Variants in POU6F2 observed in about 807,000 individuals in gnomAD.
The protein encoded by POU6F2 is POU class 6 homeobox 2, also known as POU domain, class 6, transcription factor 2.
POU6F2 carries 31 observed loss-of-function variants against 71.3 expected under a neutral mutation model. The ratio of observed to expected loss-of-function variants is 0.43; its 90% CI spans 0.33 to 0.59. The LOEUF is 0.59. Ranked by LOEUF, POU6F2 falls within the 20% of genes least tolerant of loss-of-function variation. The pLI is 0.04. For missense variants in POU6F2, 783 were observed against 856.8 expected (o/e 0.91, Z 1.07); for synonymous variants, 347 against 355.7 (o/e 0.98, Z 0.27).
At chr7:39,342,817 T>C (rs1187227330) in intron 5 of POU6F2, among the ~76,000 whole-genome samples, 1 of 152,234 alleles carries the variant, frequency 6.6e-6, no homozygotes, top group Admixed American at 6.5e-5. Flanking sequence ...AATATTGCAG[T>C]GTAATTTTAT....
chr7:39,211,523 ACT>A, intron 4 of POU6F2, among the ~76,000 whole-genome samples: 1 of 152,200 alleles, frequency 6.6e-6, no homozygotes, highest in East Asian at 1.9e-4. Flanking sequence ...AGACCTTATA[ACT>A]CAGCAGAAAA....
At chr7:39,250,553 T>C (rs1157039410) in intron 4 of POU6F2, among the ~76,000 whole-genome samples, 1 of 152,196 alleles carries the variant, frequency 6.6e-6, no homozygotes, top group Non-Finnish European at 1.5e-5. Flanking sequence ...GTTCTTTATC[T>C]CATCTCTTTA....
chr7:39,091,571 A>G (rs1791363614), intron 2 of POU6F2, among the ~76,000 whole-genome samples: 1 of 152,174 alleles, frequency 6.6e-6, no homozygotes, highest in South Asian at 2.1e-4. Context: ...AAATGATCCC[A>G]TTTTAGTCTC....
chr7:39,097,296 G>T (rs745854537), intron 2 of POU6F2, among the ~76,000 whole-genome samples: 1 of 152,074 alleles, frequency 6.6e-6, no homozygotes, highest in African/African-American at 2.4e-5. Flanking sequence ...TTTGGTAGGG[G>T]CATGTTTATA....
chr7:39,251,626 GAAAT>G (rs1277754079), intron 4 of POU6F2, among the ~76,000 whole-genome samples: 4 of 152,138 alleles, frequency 2.6e-5, no homozygotes, highest in Admixed American at 6.5e-5. Flanking sequence ...TAAGTAGAAA[GAAAT>G]AAAAATAAGA....
chr7:39,105,924 G>A (rs923137561), intron 2 of POU6F2, among the ~76,000 whole-genome samples: 1 of 152,144 alleles, frequency 6.6e-6, no homozygotes, highest in African/African-American at 2.4e-5. Flanking sequence ...ACACAGTACA[G>A]CCAGGGATGT....
chr7:39,459,693 G>C (rs1233712501), intron 8 of POU6F2, among the ~76,000 whole-genome samples: 1 of 152,214 alleles, frequency 6.6e-6, no homozygotes, highest in Non-Finnish European at 1.5e-5. Context: ...CTTTGCTACA[G>C]GCAGGATTGA....
At chr7:39,287,492 A>G (rs1382026164) in intron 4 of POU6F2, among the ~76,000 whole-genome samples, 2 of 152,212 alleles carry the variant, frequency 1.3e-5, no homozygotes, top group African/African-American at 4.8e-5. Context: ...GGAAAGTCAT[A>G]GTCTACCAAC....
At chr7:39,006,828 A>G (rs540730089) in intron 1 of POU6F2, 1 of 1,613,308 alleles carries the variant, frequency 6.2e-7, no homozygotes, top group East Asian at 2.2e-5. Flanking sequence ...TGTTCTTATA[A>G]TGATCCAAGA....
At chr7:39,015,599 TCTATGTTTTATATAGATCTACATTATAGA>T (rs1789467503) in intron 1 of POU6F2, among the ~76,000 whole-genome samples, 1 of 97,348 alleles carries the variant, frequency 1.0e-5, no homozygotes, top group Non-Finnish European at 1.9e-5. Flanking sequence ...TATAGATATA[TCTATGTTTTATATAGATCTACATTATAGA>T]TATATCTATG....
chr7:38,988,328 T>C (rs994208802), intron 1 of POU6F2, among the ~76,000 whole-genome samples: 4 of 151,962 alleles, frequency 2.6e-5, no homozygotes, highest in Non-Finnish European at 5.9e-5. Flanking sequence ...GGGTGGAGCT[T>C]GGGTATTAGT....
At chr7:39,276,958 C>T (rs1254001360) in intron 4 of POU6F2, among the ~76,000 whole-genome samples, 2 of 151,278 alleles carry the variant, frequency 1.3e-5, no homozygotes, top group African/African-American at 2.4e-5. Flanking sequence ...TGCTAAATGA[C>T]GAGTTAATGG....
At chr7:39,092,551 A>G (rs991793132) in intron 2 of POU6F2, among the ~76,000 whole-genome samples, 2 of 152,220 alleles carry the variant, frequency 1.3e-5, no homozygotes, top group African/African-American at 2.4e-5. Context: ...TTCTAAATCT[A>G]TCAACACTGG....
intron 2 of POU6F2, among the ~76,000 whole-genome samples, chr7:39,168,428 T>G (rs1228543518): frequency 1.3e-5 from 2 of 152,354 alleles, no homozygotes; most frequent in East Asian, 1.9e-4. Flanking sequence ...TTTCTACTAA[T>G]GTAACAATCA....
At chr7:39,042,374 G>A (rs1790209220) in intron 1 of POU6F2, among the ~76,000 whole-genome samples, 1 of 151,938 alleles carries the variant, frequency 6.6e-6, no homozygotes, top group African/African-American at 2.4e-5. Flanking sequence ...CCACTGGACT[G>A]TGGTGGAAAA....
At chr7:39,160,919 G>T (rs1010596942) in intron 2 of POU6F2, among the ~76,000 whole-genome samples, 1 of 152,102 alleles carries the variant, frequency 6.6e-6, no homozygotes, top group African/African-American at 2.4e-5. Context: ...ACAGTGTTTT[G>T]CACATAATAG....
chr7:39,174,190 G>A (rs1463619399), intron 2 of POU6F2, among the ~76,000 whole-genome samples: 1 of 152,196 alleles, frequency 6.6e-6, no homozygotes, highest in Non-Finnish European at 1.5e-5. Flanking sequence ...CAAGTCCTTT[G>A]TACTTAGAAA....
At chr7:39,078,271 T>G (rs1791037849) in intron 1 of POU6F2, among the ~76,000 whole-genome samples, 1 of 152,160 alleles carries the variant, frequency 6.6e-6, no homozygotes, top group African/African-American at 2.4e-5. Flanking sequence ...TGCATGAAGG[T>G]TCATTAAGGT....
intron 1 of POU6F2, among the ~76,000 whole-genome samples, chr7:39,020,109 C>T (rs1789649665): frequency 6.6e-6 from 1 of 152,094 alleles, no homozygotes; most frequent in Non-Finnish European, 1.5e-5. Flanking sequence ...CCCTCCCAGA[C>T]CCCCCAAAAA....
Sources: gnomAD v4.1 joint callset for allele counts (sites outside exome capture counted in the v4.1 genomes callset) on GRCh38, gnomAD v4.1.1 for gene constraint, MANE v1.5 for transcripts, NCBI Gene and HGNC (gene_info 2026-07-23, HGNC 2026-07-21) for gene names.